Variants in SNX10 observed in about 807,000 individuals in gnomAD.
SNX10 encodes the protein sorting nexin 10.
A neutral mutation model predicts 28.5 loss-of-function variants in SNX10; 25 were observed. That is an observed-to-expected ratio of 0.88 (90% CI 0.64 to 1.22). The LOEUF (loss-of-function observed/expected upper bound fraction) is 1.22. Among genes scored for constraint, SNX10 ranks in the 50% most tolerant of loss-of-function variants. The probability of loss-of-function intolerance (pLI) is 0.00; values close to 1 mark genes in which losing one functional copy is unlikely to be tolerated. For synonymous variants in SNX10, 62 were observed against 81.4 expected (o/e 0.76, Z 1.28); for missense variants, 223 against 242.6 (o/e 0.92, Z 0.54).
rs1305109873 is a variant in SNX10, at chr7:26,373,983, T to A, written c.*1411T>A. 1.3e-5 allele frequency: 2 copies of A among 152,016 alleles called. No individual in the cohort carries two copies. The highest frequency in any genetic ancestry group is 6.5e-5 in the Admixed American group (1 of 15,280). The allele number at this position is 152,016 out of a possible 1,614,324, so 9.4% of individuals were successfully genotyped here. A position where few individuals can be genotyped will look rare whatever the true frequency, so the allele number is the denominator to read the frequency against. Reference sequence around the variant, plus strand: ...TTTAATTTGTCCTTTTTTTCTTTGGTCTAAAACATTATTAAATTTTTGTAA... The same window carrying A: ...TTTAATTTGTCCTTTTTTTCTTTGGACTAAAACATTATTAAATTTTTGTAA... On this transcript the variant is annotated 3_prime_UTR_variant, in exon 7 of 7. Transcript: ENST00000338523. This position sits in a 1 kb window ranked among gnomAD's most constrained non-coding sequence, Gnocchi z 4.2.
At chr7:26,348,597 T>G (rs1490140441) in intron 2 of SNX10, among the ~76,000 whole-genome samples, 1 of 152,234 alleles carries the variant, frequency 6.6e-6, no homozygotes, top group Non-Finnish European at 1.5e-5. Flanking sequence ...AGCACCCATG[T>G]GTGGCAGTGT....
At chr7:26,336,867 G>T (rs1437516010) in intron 1 of SNX10, among the ~76,000 whole-genome samples, 1 of 151,814 alleles carries the variant, frequency 6.6e-6, no homozygotes, top group African/African-American at 2.4e-5. Flanking sequence ...CATTTTCTTT[G>T]ATTGTTTCTT....
chr7:26,357,944 G>A (rs1020122146), intron 2 of SNX10, among the ~76,000 whole-genome samples: 1 of 152,054 alleles, frequency 6.6e-6, no homozygotes, highest in Non-Finnish European at 1.5e-5. Context: ...CTTTGGGTGG[G>A]GTCCATCAGC....
intron 3 of SNX10, 39 bp downstream of exon 3, chr7:26,361,100 CTTTTATGGGATACA>C: frequency 6.5e-7 from 1 of 1,543,010 alleles, no homozygotes; most frequent in East Asian, 2.4e-5. Context: ...TTTTGAGGGA[CTTTTATGGGATACA>C]TTTTATGGGA....
At chr7:26,333,912 A>T (rs12669686) in intron 1 of SNX10, among the ~76,000 whole-genome samples, 40,571 of 152,046 alleles carry the variant, frequency 0.27, 6,447 homozygotes, top group South Asian at 0.43. Context: ...TGTGTGGTGG[A>T]AAGGGATGAC....
intron 1 of SNX10, among the ~76,000 whole-genome samples, chr7:26,297,175 C>A (rs1379555793): frequency 6.6e-6 from 1 of 152,244 alleles, no homozygotes; most frequent in Non-Finnish European, 1.5e-5. Flanking sequence ...CAGCTCACTG[C>A]AACCTCTGCC....
intron 1 of SNX10, among the ~76,000 whole-genome samples, chr7:26,313,055 G>T (rs1265739547): frequency 6.6e-6 from 1 of 152,188 alleles, no homozygotes; most frequent in Non-Finnish European, 1.5e-5. Flanking sequence ...ACTCATGCAG[G>T]TATTTACTGC....
chr7:26,315,751 A>G (rs1584107204), intron 1 of SNX10, among the ~76,000 whole-genome samples: 1 of 152,262 alleles, frequency 6.6e-6, no homozygotes, highest in African/African-American at 2.4e-5. Flanking sequence ...GTGAATTTAT[A>G]TTTTCTATTA....
At chr7:26,341,029 T>C (rs7784736) in intron 1 of SNX10, among the ~76,000 whole-genome samples, 30,120 of 152,182 alleles carry the variant, frequency 0.2, 3,554 homozygotes, top group East Asian at 0.44. Flanking sequence ...CTGGGTGCGA[T>C]GACTCACACC....
rs1788383787 is a variant in SNX10, at chr7:26,346,300, T to C, written c.-23-120T>C. On this transcript the variant is annotated intron_variant, in intron 1 of 6. Transcript: ENST00000338523. ...AGCGTGGGAGGAGCAGAGGCTCACATGTCAGGGACTGTGGGGCGGGGGGGG... is the reference window on the plus strand; with the variant it reads ...AGCGTGGGAGGAGCAGAGGCTCACACGTCAGGGACTGTGGGGCGGGGGGGG... 1.1e-5 allele frequency: 8 copies of C among 722,562 alleles called. No homozygotes were observed. In the East Asian group the frequency reaches 1.5e-4, roughly 13 times the overall value. The allele number at this position is 722,562 out of a possible 1,614,324, so 44.8% of individuals were successfully genotyped here.
chr7:26,342,770 C>T (rs1291453912), intron 1 of SNX10, among the ~76,000 whole-genome samples: 1 of 152,118 alleles, frequency 6.6e-6, no homozygotes, highest in East Asian at 1.9e-4. Context: ...CTGGTTGAAA[C>T]TGCTTTCAAC....
intron 1 of SNX10, among the ~76,000 whole-genome samples, chr7:26,302,944 T>TAAAAAC (rs70943290): frequency 0.029 from 4,391 of 151,896 alleles, 124 homozygotes; most frequent in East Asian, 0.079. Context: ...AGACTCCATC[T>TAAAAAC]AAAAACAAAA....
At chr7:26,310,055 A>G in intron 1 of SNX10, among the ~76,000 whole-genome samples, 1 of 152,164 alleles carries the variant, frequency 6.6e-6, no homozygotes, top group African/African-American at 2.4e-5. Flanking sequence ...TCCACAGTCC[A>G]GTGGAGTTAG....
At chr7:26,371,704 A>G in intron 5 of SNX10, 117 bp from the exon 6 acceptor site, 1 of 716,550 alleles carries the variant, frequency 1.4e-6, no homozygotes, top group Non-Finnish European at 2.3e-6. Flanking sequence ...AATTGATACA[A>G]AGTTTACCAC....
Position 26,347,142 on chromosome 7 carries a change from C to T in SNX10, c.24+676C>T, listed in dbSNP as rs181061883. On this transcript the variant is annotated intron_variant, in intron 2 of 6. Coordinates refer to ENST00000338523, the MANE Select transcript of SNX10 (RefSeq NM_013322.3). ...ACACACACGTGCACACACATGCACACGAGTCACACATTCACACAGTCACAT... is the reference window on the plus strand; with the variant it reads ...ACACACACGTGCACACACATGCACATGAGTCACACATTCACACAGTCACAT... Among the ~76,000 whole-genome samples the T allele has an allele frequency of 9.9e-5, 15 of 152,170 alleles. No homozygotes were observed. The East Asian group carries it at 1.7e-3, about 18-fold the overall frequency.
Position 26,291,918 on chromosome 7 carries a change from T to G in SNX10, c.-192T>G, listed in dbSNP as rs540374609. 3.4e-4 allele frequency: 47 copies of G among 136,670 alleles called. No individual in the cohort carries two copies. The highest frequency in any genetic ancestry group is 1.5e-3 in the Admixed American group (19 of 13,034). 8.5% of individuals were successfully genotyped at this position (136,670 alleles called of 1,614,324 possible). On this transcript the variant is annotated 5_prime_UTR_variant, in exon 1 of 7. Coordinates refer to ENST00000338523, the MANE Select transcript of SNX10 (RefSeq NM_013322.3). Reference sequence around the variant, plus strand: ...GCGCTGAGCGCGGGCGCGGGGCCGCTACGTGCGCGGGGAGCGCGGGGAGCG... The same window carrying G: ...GCGCTGAGCGCGGGCGCGGGGCCGCGACGTGCGCGGGGAGCGCGGGGAGCG...
chr7:26,331,653 C>T (rs1354524337), intron 1 of SNX10, among the ~76,000 whole-genome samples: 1 of 152,166 alleles, frequency 6.6e-6, no homozygotes, highest in Non-Finnish European at 1.5e-5. Context: ...GGTATATTCA[C>T]AGATATGTGC....
At chr7:26,294,757 C>T (rs1786047065) in intron 1 of SNX10, among the ~76,000 whole-genome samples, 2 of 152,168 alleles carry the variant, frequency 1.3e-5, no homozygotes, top group Admixed American at 6.5e-5. Context: ...TACAAGTGTC[C>T]TAAGTACGTT....
At position 26,310,029 on chromosome 7, in the gene SNX10, T is replaced by C. The variant is rs79549663; in HGVS notation, c.-24+17943T>C. On this transcript the variant is annotated intron_variant, in intron 1 of 6. Transcript: ENST00000338523. ...TTTTAATGGCATAATTTTAACATTA[T>C]TCCCCAGTCTCATCCTCCACAGTCC... Among the ~76,000 whole-genome samples, 28 of 152,342 alleles carry C rather than the reference T, an allele frequency of 1.8e-4. No individual in the cohort carries two copies. In the East Asian group the frequency reaches 5.4e-3, roughly 29 times the overall value.
Sources: allele counts gnomAD v4.1 joint callset (sites outside exome capture counted in the v4.1 genomes callset), GRCh38; gene constraint gnomAD v4.1.1; non-coding constraint Gnocchi (gnomAD v3.1); transcripts MANE v1.5; gene names NCBI Gene and HGNC (gene_info 2026-07-23, HGNC 2026-07-21).